Variants in NEXN observed in about 807,000 individuals in gnomAD.
NEXN encodes nexilin F-actin binding protein.
A neutral mutation model predicts 92.6 loss-of-function variants in NEXN; 65 were observed. That is an observed-to-expected ratio of 0.70 (90% CI 0.57 to 0.86). NEXN has a LOEUF of 0.86. Among genes scored for constraint, NEXN ranks in the 40% least tolerant of loss-of-function variants. NEXN has a pLI of 0.00. For synonymous variants in NEXN, 254 were observed against 242.5 expected, an observed-to-expected ratio of 1.05 and a Z score of -0.44; for missense variants, 778 against 771.1, an observed-to-expected ratio of 1.01 and a Z score of -0.11.
chr1:77,932,443 G>A (rs1237006500), intron 9 of NEXN, among the ~76,000 whole-genome samples: 1 of 152,126 alleles, frequency 6.6e-6, no homozygotes, highest in Non-Finnish European at 1.5e-5. Context: ...GCAGCTCCAA[G>A]TATTAACTAT....
At chr1:77,922,456 T>C (rs1458892909) in intron 5 of NEXN, among the ~76,000 whole-genome samples, 1 of 151,756 alleles carries the variant, frequency 6.6e-6, no homozygotes, top group Non-Finnish European at 1.5e-5. Flanking sequence ...TGTAATTATT[T>C]TATTATAGAT....
At chr1:77,930,641 T>G (rs2102137365) in intron 9 of NEXN, among the ~76,000 whole-genome samples, 1 of 152,154 alleles carries the variant, frequency 6.6e-6, no homozygotes, top group Non-Finnish European at 1.5e-5. Context: ...ATTTCTTGAT[T>G]CTTCCTGAAT....
At position 77,926,618 on chromosome 1, in the gene NEXN, T is replaced by TTTTG; in HGVS notation, c.687+19_687+22dup. 2.5e-6 allele frequency: 4 copies of TTTTG among 1,613,880 alleles called. No individual in the cohort carries two copies. Among genetic ancestry groups the TTTTG allele is most frequent in the Non-Finnish European group, 3.4e-6 (4 of 1,179,938 alleles). ...GTGTCTTTCATTAGTTATGGTAAAT[T>TTTTG]TTTGTTTGTTTGTTTTCTAAGAAAC... On this transcript the variant is annotated splice_region_variant and intron_variant, in intron 7 of 12. Transcript: ENST00000334785.
At chr1:77,905,232 C>A (rs2102058653) in intron 1 of NEXN, among the ~76,000 whole-genome samples, 1 of 148,294 alleles carries the variant, frequency 6.7e-6, no homozygotes, top group Non-Finnish European at 1.5e-5. Context: ...ATTGCCCAGC[C>A]TGGGCAGTGG....
intron 5 of NEXN, among the ~76,000 whole-genome samples, chr1:77,921,780 G>C (rs1003497950): frequency 1.3e-5 from 2 of 152,024 alleles, no homozygotes; most frequent in Non-Finnish European, 2.9e-5. Flanking sequence ...GCATGGTGGC[G>C]CATGTCTGCA....
intron 1 of NEXN, among the ~76,000 whole-genome samples, chr1:77,897,611 G>C (rs1299621383): frequency 5.9e-5 from 9 of 151,944 alleles, no homozygotes; most frequent in Admixed American, 4.6e-4. Flanking sequence ...AGACAGGGAT[G>C]CCCTCTCTCA....
In NEXN at chr1:77,917,967, A is replaced by G. The variant is rs368300372; in HGVS notation, c.227A>G (p.Glu76Gly). 6.2e-7 allele frequency: 1 copy of G among 1,612,156 alleles called. No individual in the cohort carries two copies. The change falls in exon 4 of 13, where the codon GAA (glutamate) becomes GGA (glycine). Residue 76 changes from glutamate to glycine, a missense_variant. By Grantham distance (98) the Glu-to-Gly change is moderately conservative. Coordinates refer to ENST00000334785, the MANE Select transcript of NEXN (RefSeq NM_144573.4). ...ATTTATTTAACCATCTAGATTAAAG[A>G]AATGCTTGCTTCTGATGATGAGGAA... ...EWNRRKQEIK[E>G]MLASDDEEDV...
At chr1:77,914,341 G>A (rs1170443694) in intron 1 of NEXN, among the ~76,000 whole-genome samples, 2 of 151,978 alleles carry the variant, frequency 1.3e-5, no homozygotes, top group Non-Finnish European at 2.9e-5. Flanking sequence ...GGGTGACTAA[G>A]CATGTGCAGG....
chr1:77,921,921 A>G (rs914874085), intron 5 of NEXN, among the ~76,000 whole-genome samples: 1 of 151,982 alleles, frequency 6.6e-6, no homozygotes, highest in South Asian at 2.1e-4. Context: ...TGTCTCTACA[A>G]AAAAATCTAC....
chr1:77,915,405 G>A (rs1467920043), intron 1 of NEXN, among the ~76,000 whole-genome samples: 2 of 152,260 alleles, frequency 1.3e-5, no homozygotes, highest in East Asian at 1.9e-4. Context: ...CGAGGCAGGC[G>A]GATCACGAGG....
Position 77,929,401 on chromosome 1 carries a change from T to G in NEXN, c.950T>G (p.Met317Arg). The G allele has an allele frequency of 6.2e-7, 1 of 1,612,312 alleles. No individual in the cohort carries two copies. The highest frequency in any genetic ancestry group is 8.5e-7 in the Non-Finnish European group (1 of 1,179,598). Residue 317 changes from methionine (M) to arginine (R), a missense_variant, in exon 9 of 13, where the codon ATG (methionine) becomes AGG (arginine). Coordinates refer to ENST00000334785, the MANE Select transcript of NEXN (RefSeq NM_144573.4). ...PGKLKLSFEE[M>R]ERQRREDEKR... ...AAACTCAAACTCAGTTTTGAAGAAA[T>G]GGAAAGGCAAAGAAGAGAAGATGAA...
chr1:77,942,031 T>G lies in NEXN; in HGVS notation c.1482T>G (p.Asp494Glu), dbSNP rs1216412544. Residue 494 changes from aspartate (D) to glutamate (E), a missense_variant, in exon 12 of 13, where the codon GAT becomes GAG. Transcript: ENST00000334785. ...GGCCCACTTTCTTGCAGGAAGATGA[T>G]GTTGATGTTAGGCCTGCAAGAAAAA... ...REAENFHEED[D>E]VDVRPARKSE... is the part of the protein sequence containing the mutation. The G allele has an allele frequency of 6.2e-7, 1 of 1,612,842 alleles. No homozygotes were observed. The highest frequency in any genetic ancestry group is 1.7e-5 in the Admixed American group (1 of 59,940).
intron 9 of NEXN, among the ~76,000 whole-genome samples, chr1:77,932,887 C>T (rs925763044): frequency 6.6e-6 from 1 of 152,168 alleles, no homozygotes. Flanking sequence ...GAAATCTGGC[C>T]GGGTGCGTGG....
At chr1:77,933,551 T>C (rs1380017347) in intron 10 of NEXN, 72 bp downstream of exon 10, 5 of 1,090,908 alleles carry the variant, frequency 4.6e-6, no homozygotes, top group Admixed American at 2.0e-5. Context: ...CACCTTATAA[T>C]AACTTTGTAT....
chr1:77,909,851 C>T (rs1360793036), intron 1 of NEXN, among the ~76,000 whole-genome samples: 1 of 152,100 alleles, frequency 6.6e-6, no homozygotes, highest in Non-Finnish European at 1.5e-5. Flanking sequence ...CCAACTCATT[C>T]TATAAAGACA....
chr1:77,908,396 T>G (rs1389522353), intron 1 of NEXN, among the ~76,000 whole-genome samples: 1 of 84,792 alleles, frequency 1.2e-5, no homozygotes, highest in Non-Finnish European at 2.2e-5. Context: ...CTACCTCTAT[T>G]TTTTTTTTTT....
rs1650721899 is a variant in NEXN, at chr1:77,935,939, A to AC, written c.1369dup (p.Gln457ProfsTer4). The AC allele has an allele frequency of 6.2e-7, 1 of 1,613,908 alleles. No homozygotes were observed. The highest frequency in any genetic ancestry group is 8.5e-7 in the Non-Finnish European group (1 of 1,179,958). On this transcript the variant is annotated frameshift_variant, in exon 11 of 13. Coordinates refer to ENST00000334785, the MANE Select transcript of NEXN (RefSeq NM_144573.4). LOFTEE classifies it high-confidence loss of function. ...TAAAAAGCAAGTTTGAAAAAATTGG[A>AC]CAGTTGTCTGAAAAAGAAATACAGA...
intron 1 of NEXN, among the ~76,000 whole-genome samples, chr1:77,912,827 C>T (rs1648689750): frequency 6.6e-6 from 1 of 152,158 alleles, no homozygotes; most frequent in South Asian, 2.1e-4. Flanking sequence ...CAGCATAGAA[C>T]TATAAAACTC....
intron 6 of NEXN, among the ~76,000 whole-genome samples, chr1:77,925,850 T>C (rs896054970): frequency 1.3e-5 from 2 of 152,028 alleles, no homozygotes; most frequent in African/African-American, 4.8e-5. Context: ...CAACAGATTA[T>C]ATAATTAAAA....
Sources: allele counts gnomAD v4.1 joint callset (sites outside exome capture counted in the v4.1 genomes callset), GRCh38; gene constraint gnomAD v4.1.1; transcripts MANE v1.5; gene names NCBI Gene and HGNC (gene_info 2026-07-23, HGNC 2026-07-21).